Variants in DLGAP1 observed in about 807,000 individuals in gnomAD.
DLGAP1 encodes disks large-associated protein 1.
Under a neutral mutation model 90.8 loss-of-function variants are expected in DLGAP1, and 11 were observed. The observed-to-expected ratio is 0.12, with a 90% CI of 0.08 to 0.20. DLGAP1 has a LOEUF of 0.20. Among genes scored for constraint, DLGAP1 ranks in the 10% least tolerant of loss-of-function variants. DLGAP1 has a pLI of 1.00. For synonymous variants in DLGAP1, 558 were observed against 540.7 expected (o/e 1.03, Z -0.44); for missense variants, 1,050 against 1,333.8 (o/e 0.79, Z 3.31).
intron 1 of DLGAP1, among the ~76,000 whole-genome samples, chr18:4,195,402 G>A (rs780887562): frequency 2.0e-5 from 3 of 152,144 alleles, no homozygotes; most frequent in Non-Finnish European, 4.4e-5. Flanking sequence ...CTGCAGTAGG[G>A]ACTTTGTTGT....
At chr18:4,269,408 C>A (rs1266551249) in intron 1 of DLGAP1, among the ~76,000 whole-genome samples, 2 of 146,070 alleles carry the variant, frequency 1.4e-5, no homozygotes, top group Non-Finnish European at 3.0e-5. Context: ...GGCTGGAGTG[C>A]AGTGGCGCGA....
rs184643486 is a variant in DLGAP1 at position 3,875,565 on chromosome 18, C to T, written c.957+3547G>A. 1.9e-3 allele frequency among the ~76,000 whole-genome samples: 292 copies of T among 152,278 alleles called. 1 individual carries two copies. Among genetic ancestry groups the T allele is most frequent in the Non-Finnish European group, 2.1e-4 (14 of 68,016 alleles). On this transcript the variant is annotated intron_variant, in intron 4 of 12. Transcript: ENST00000315677. ...AGCAGACAAATCAGTTTTGACCCAA[C>T]GTGTTGCCACATACTAGCTGTGTGT... is the stretch of plus-strand genomic sequence containing the variant.
intron 1 of DLGAP1, among the ~76,000 whole-genome samples, chr18:4,440,787 A>G (rs1241938854): frequency 6.6e-6 from 1 of 152,206 alleles, no homozygotes; most frequent in Admixed American, 6.5e-5. Flanking sequence ...AATATCCTCA[A>G]CCAATATTTA....
intron 3 of DLGAP1, among the ~76,000 whole-genome samples, chr18:3,936,475 T>C (rs1373927853): frequency 2.6e-5 from 4 of 152,230 alleles, no homozygotes; most frequent in Non-Finnish European, 5.9e-5. Flanking sequence ...TTGAAAAGGA[T>C]GGCTTCCCCC....
intron 4 of DLGAP1, among the ~76,000 whole-genome samples, chr18:3,839,003 T>C (rs992899860): frequency 1.3e-5 from 2 of 152,220 alleles, no homozygotes; most frequent in African/African-American, 4.8e-5. Context: ...TTATCTTAGA[T>C]ATTGAACTAC....
intron 9 of DLGAP1, among the ~76,000 whole-genome samples, chr18:3,559,195 TGATGATTCA>T (rs895619518): frequency 9.8e-5 from 15 of 152,350 alleles, no homozygotes; most frequent in African/African-American, 3.4e-4. Context: ...TAGATGATTC[TGATGATTCA>T]GATGATTCTG....
intron 3 of DLGAP1, among the ~76,000 whole-genome samples, chr18:3,994,134 C>T (rs551199032): frequency 6.1e-4 from 93 of 152,296 alleles, no homozygotes; most frequent in African/African-American, 2.2e-3. Flanking sequence ...CAGTGCTTGG[C>T]TTTTCCCTGC....
At chr18:3,972,428 T>TGTC (rs754468277) in intron 3 of DLGAP1, among the ~76,000 whole-genome samples, 28 of 152,178 alleles carry the variant, frequency 1.8e-4, no homozygotes, top group Non-Finnish European at 8.8e-5. Context: ...TGATTCATTC[T>TGTC]GTCTTTTCTG....
chr18:4,302,760 T>A (rs1266862135), intron 1 of DLGAP1, among the ~76,000 whole-genome samples: 2 of 152,194 alleles, frequency 1.3e-5, no homozygotes, highest in African/African-American at 4.8e-5. Flanking sequence ...AAAAATGACA[T>A]TGAAATTTTA....
intron 3 of DLGAP1, among the ~76,000 whole-genome samples, chr18:3,977,434 G>GGGTTTTTTTTTTTTTTTTTTTTTTT (rs767760816): frequency 2.1e-5 from 2 of 95,332 alleles, no homozygotes; most frequent in African/African-American, 8.4e-5. Context: ...TTTATTCTGT[G>GGGTTTTTTTTTTTTTTTTTTTTTTT]TTTTTTTTTT....
intron 7 of DLGAP1, among the ~76,000 whole-genome samples, chr18:3,664,220 A>ACC (rs1448721350): frequency 1.1e-4 from 16 of 143,342 alleles, no homozygotes; most frequent in African/African-American, 3.6e-4. Context: ...ACACACACCC[A>ACC]CACACACACA....
chr18:4,119,671 A>G (rs558188895), intron 2 of DLGAP1, among the ~76,000 whole-genome samples: 4 of 152,330 alleles, frequency 2.6e-5, no homozygotes, highest in Admixed American at 6.5e-5. Context: ...TCCAAGCTAA[A>G]AAGAGTGAAT....
At chr18:4,355,418 A>T (rs942749835) in intron 1 of DLGAP1, among the ~76,000 whole-genome samples, 1 of 152,216 alleles carries the variant, frequency 6.6e-6, no homozygotes, top group Non-Finnish European at 1.5e-5. Context: ...ATAGAGATGG[A>T]GAAGAGATTA....
At chr18:3,829,308 G>T (rs2067903209) in intron 4 of DLGAP1, among the ~76,000 whole-genome samples, 1 of 152,162 alleles carries the variant, frequency 6.6e-6, no homozygotes, top group Non-Finnish European at 1.5e-5. Flanking sequence ...GTATTTGTAG[G>T]TTGCTTTTTC....
intron 1 of DLGAP1, among the ~76,000 whole-genome samples, chr18:4,348,424 G>C (rs2081343084): frequency 6.6e-6 from 1 of 151,816 alleles, no homozygotes; most frequent in East Asian, 1.9e-4. Flanking sequence ...GTGTGTGTGT[G>C]TGTGTGTGTG....
intron 1 of DLGAP1, among the ~76,000 whole-genome samples, chr18:4,214,700 T>C (rs1235361869): frequency 6.6e-6 from 1 of 152,220 alleles, no homozygotes; most frequent in Non-Finnish European, 1.5e-5. Flanking sequence ...CTTTTAAATG[T>C]TGACCACTAT....
At chr18:4,447,154 A>G (rs2083687575) in intron 1 of DLGAP1, among the ~76,000 whole-genome samples, 1 of 152,204 alleles carries the variant, frequency 6.6e-6, no homozygotes, top group Non-Finnish European at 1.5e-5. Flanking sequence ...ACCCTACTGC[A>G]ATCCCCCTCC....
At chr18:4,222,131 T>G (rs1345097080) in intron 1 of DLGAP1, among the ~76,000 whole-genome samples, 1 of 152,196 alleles carries the variant, frequency 6.6e-6, no homozygotes, top group Non-Finnish European at 1.5e-5. Context: ...ATGATTTTAT[T>G]TTCTTTCTTT....
intron 3 of DLGAP1, chr18:3,894,732 A>T (rs560187414): frequency 6.6e-6 from 1 of 152,252 alleles, no homozygotes; most frequent in South Asian, 2.1e-4. Flanking sequence ...TTTGCATGTC[A>T]TCCTTGTGCA....
Sources: gnomAD v4.1 joint callset for allele counts (sites outside exome capture counted in the v4.1 genomes callset) on GRCh38, gnomAD v4.1.1 for gene constraint, MANE v1.5 for transcripts, NCBI Gene and HGNC (gene_info 2026-07-23, HGNC 2026-07-21) for gene names.